The following BMP1 variants were observed in gnomAD, a reference collection of about 807,000 sequenced individuals.
BMP1 encodes mammalian tolloid protein.
In BMP1, 63 loss-of-function variants were observed where a neutral mutation model predicts 116.8. That is an observed-to-expected ratio of 0.54 (90% CI 0.44 to 0.67). The LOEUF (loss-of-function observed/expected upper bound fraction) is 0.67. Among genes scored for constraint, BMP1 ranks in the 30% least tolerant of loss-of-function variants. The pLI is 0.00. For synonymous variants in BMP1, 536 were observed against 533.4 expected, an observed-to-expected ratio of 1.00 and a Z score of -0.07; for missense variants, 1,183 against 1,358.9, an observed-to-expected ratio of 0.87 and a Z score of 2.04.
chr8:22,185,648 G>A lies in BMP1; in HGVS notation c.1077+5165G>A, dbSNP rs114988743. Among the ~76,000 whole-genome samples the A allele has an allele frequency of 4.1e-3, 626 of 151,388 alleles. 6 individuals carry two copies. The highest frequency in any genetic ancestry group is 0.015 in the African/African-American group (605 of 41,294). ...CAAATTCTTTTTTTATTGAGACTGA[G>A]TCTCACTCTGTCGCCCAAGCTGGAG... On this transcript the variant is annotated intron_variant, in intron 8 of 19. Coordinates refer to ENST00000306385, the MANE Select transcript of BMP1 (RefSeq NM_006129.5).
chr8:22,195,708 T>TCC, intron 13 of BMP1, 121 bp downstream of exon 13: 1 of 1,394,918 alleles, frequency 7.2e-7, no homozygotes, highest in Non-Finnish European at 9.6e-7. Context: ...GTACAGTGGC[T>TCC]CAATCTTAGC....
rs771054164 is a variant in BMP1 at position 22,177,597 on chromosome 8, G to T, written c.731-255G>T. 5 of 752,310 alleles carry T rather than the reference G, an allele frequency of 6.6e-6. No individual in the cohort carries two copies. The Admixed American group carries it at 8.5e-5, about 13-fold the overall frequency. 46.6% of individuals were successfully genotyped at this position (752,310 alleles called of 1,614,324 possible). On this transcript the variant is annotated intron_variant, in intron 5 of 19. Coordinates refer to ENST00000306385, the MANE Select transcript of BMP1 (RefSeq NM_006129.5). Reference sequence around the variant, plus strand: ...CTCCACTCTTCACTGCTCCTTCTCAGCTGTGGCTCTAGAAATGGTGCTTCC... The same window carrying T: ...CTCCACTCTTCACTGCTCCTTCTCATCTGTGGCTCTAGAAATGGTGCTTCC...
Position 22,165,573 on chromosome 8 carries a change from C to T in BMP1, c.148+20C>T. On this transcript the variant is annotated intron_variant, in intron 1 of 19. Transcript: ENST00000306385. ...AGGCGGGTGAGCGCCCCCCGGCCCC[C>T]CGGCGACGGGCCAGGCGGGGAGGCG... The T allele has an allele frequency of 6.4e-7, 1 of 1,568,928 alleles. No homozygotes were observed. Among genetic ancestry groups the T allele is most frequent in the Non-Finnish European group, 8.6e-7 (1 of 1,161,784 alleles).
intron 19 of BMP1, among the ~76,000 whole-genome samples, chr8:22,210,972 G>A (rs151330950): frequency 6.6e-6 from 1 of 152,346 alleles, no homozygotes; most frequent in African/African-American, 2.4e-5. Flanking sequence ...GATGCTCTGA[G>A]GGCTGACCTC....
chr8:22,177,837 T>C lies in BMP1; in HGVS notation c.731-15T>C, dbSNP rs748174444. The C allele has an allele frequency of 1.9e-6, 3 of 1,593,132 alleles. No individual in the cohort carries two copies. Among genetic ancestry groups the C allele is most frequent in the Non-Finnish European group, 2.6e-6 (3 of 1,163,600 alleles). On this transcript the variant is annotated splice_polypyrimidine_tract_variant and intron_variant, in intron 5 of 19. Coordinates refer to ENST00000306385, the MANE Select transcript of BMP1 (RefSeq NM_006129.5). ...CCCCTCCTCTCCCCCCACACCCTTT[T>C]CCTGATCTTGGCAGGGCAGGAGTAT...
intron 12 of BMP1, 48 bp from the exon 13 acceptor site, chr8:22,195,414 T>C: frequency 1.3e-6 from 2 of 1,564,752 alleles, no homozygotes; most frequent in African/African-American, 1.4e-5. Context: ...AGCCAGCTTC[T>C]TCCCTTGAAT....
At chr8:22,205,717 G>T (rs1272589832) in intron 16 of BMP1, among the ~76,000 whole-genome samples, 1 of 152,192 alleles carries the variant, frequency 6.6e-6, no homozygotes, top group East Asian at 1.9e-4. Context: ...CAAGGCTATG[G>T]TGAGCTATGA....
intron 19 of BMP1, among the ~76,000 whole-genome samples, chr8:22,210,367 CTTTT>C (rs1198888155): frequency 5.1e-5 from 6 of 118,402 alleles, no homozygotes; most frequent in Admixed American, 1.7e-4. Flanking sequence ...GCCTCTTCTT[CTTTT>C]TTTTTTTTTT....
rs116192273 is a variant in BMP1, at chr8:22,182,017, C to T, written c.1077+1534C>T. 6.6e-3 allele frequency among the ~76,000 whole-genome samples: 1,008 copies of T among 152,270 alleles called. 4 individuals carry two copies. Among genetic ancestry groups the T allele is most frequent in the African/African-American group, 0.023 (962 of 41,554 alleles). ...TCCCATCACTTCTTAGATCCATTCC[C>T]GGTCTTTTCACACAGACTCTGGACC... On this transcript the variant is annotated intron_variant, in intron 8 of 19. Transcript: ENST00000306385.
chr8:22,196,857 G>T lies in BMP1; in HGVS notation c.1926+17G>T. 6.2e-7 allele frequency: 1 copy of T among 1,602,462 alleles called. No homozygotes were observed. The highest frequency in any genetic ancestry group is 2.2e-5 in the East Asian group (1 of 44,644). On this transcript the variant is annotated intron_variant, in intron 14 of 19. Transcript: ENST00000306385. The stretch of plus-strand genomic sequence containing the variant: ...GGCAATGATGTAAGTGCCCACCAGG[G>T]GCTGAGGTGGGGCAGGAAGCTGTGA...
Position 22,211,595 on chromosome 8 carries a change from C to T in BMP1, c.2828C>T (p.Pro943Leu). ...PRLGRYCGSG[P>L]PEEVYSAGDS... ...TACCCCATCTCTTTTCTCTGCCAGC[C>T]TCCTGAGGAGGTGTACTCGGCGGGA... is the stretch of plus-strand genomic sequence containing the variant. Residue 943 changes from proline (P) to leucine (L), a missense_variant and splice_region_variant, in exon 20 of 20, where the codon CCT becomes CTT. Coordinates refer to ENST00000306385, the MANE Select transcript of BMP1 (RefSeq NM_006129.5). The T allele has an allele frequency of 6.2e-7, 1 of 1,614,216 alleles. No homozygotes were observed. Among genetic ancestry groups the T allele is most frequent in the African/African-American group, 1.3e-5 (1 of 75,066 alleles).
intron 18 of BMP1, among the ~76,000 whole-genome samples, chr8:22,208,173 C>T (rs1829400226): frequency 2.0e-5 from 3 of 152,206 alleles, no homozygotes; most frequent in Non-Finnish European, 2.9e-5. Context: ...CGTGAGCCAC[C>T]GTGCCCAGCC....
chr8:22,177,755 A>G (rs1439090715), intron 5 of BMP1, 97 bp from the exon 6 acceptor site: 2 of 945,962 alleles, frequency 2.1e-6, no homozygotes, highest in Non-Finnish European at 3.4e-6. Flanking sequence ...TCTCAGATAC[A>G]GGAAGGACTC....
intron 15 of BMP1, chr8:22,199,364 T>C (rs1431292158): frequency 9.2e-6 from 12 of 1,308,020 alleles, no homozygotes; most frequent in Non-Finnish European, 1.2e-5. Flanking sequence ...CCTGCCACCT[T>C]CCGGGGCATT....
chr8:22,170,741 G>A (rs144950059), intron 1 of BMP1: 8,474 of 152,100 alleles, frequency 0.056, 386 homozygotes, highest in Admixed American at 0.1. Context: ...GATCACCTGT[G>A]GTCAGGAGTT....
chr8:22,193,978 C>T (rs1167515185), intron 9 of BMP1, 80 bp from the exon 10 acceptor site: 2 of 1,187,274 alleles, frequency 1.7e-6, no homozygotes, highest in African/African-American at 1.5e-5. Context: ...GCCCAAGCAC[C>T]CAAGCCTCCT....
chr8:22,173,820 C>T lies in BMP1; in HGVS notation c.262+105C>T, dbSNP rs747578673. On this transcript the variant is annotated intron_variant, in intron 2 of 19. Transcript: ENST00000306385. ...AGCCAGGCCCTCCCAGGACAGAGGC[C>T]ATGAGTTTGACCCCAGCACATGGGT... The T allele has an allele frequency of 2.2e-4, 181 of 838,928 alleles. 1 individual carries two copies. Among genetic ancestry groups the T allele is most frequent in the Non-Finnish European group, 2.8e-4 (158 of 554,620 alleles). 52.0% of individuals were successfully genotyped at this position (838,928 alleles called of 1,614,324 possible). A position where few individuals can be genotyped will look rare whatever the true frequency, so the allele number is the denominator to read the frequency against.
intron 13 of BMP1, chr8:22,196,459 G>A (rs1829094145): frequency 2.2e-5 from 14 of 626,912 alleles, no homozygotes; most frequent in African/African-American, 3.7e-5. Flanking sequence ...CCACACTTAT[G>A]ACCCCTTAGC....
intron 1 of BMP1, among the ~76,000 whole-genome samples, chr8:22,172,430 C>A (rs1310840583): frequency 6.6e-6 from 1 of 151,932 alleles, no homozygotes; most frequent in Non-Finnish European, 1.5e-5. Flanking sequence ...CGGAATGGCC[C>A]TTTAGGGAGG....
Sources: gnomAD v4.1 joint callset for allele counts (sites outside exome capture counted in the v4.1 genomes callset) on GRCh38, gnomAD v4.1.1 for gene constraint, MANE v1.5 for transcripts, NCBI Gene and HGNC (gene_info 2026-07-23, HGNC 2026-07-21) for gene names.